ZNF638: variants seen among roughly 807,000 people sequenced by gnomAD.
ZNF638 encodes the protein zinc finger protein 638.
In ZNF638, 46 loss-of-function variants were observed where a neutral mutation model predicts 195.6. The observed-to-expected ratio is 0.24, with a 90% CI of 0.19 to 0.30. The LOEUF (loss-of-function observed/expected upper bound fraction) is 0.30. Among genes scored for constraint, ZNF638 ranks in the 10% least tolerant of loss-of-function variants. The probability of loss-of-function intolerance (pLI) is 1.00; values close to 1 mark genes in which losing one functional copy is unlikely to be tolerated. For synonymous variants in ZNF638, 845 were observed against 772.0 expected (o/e 1.09, Z -1.57); for missense variants, 2,440 against 2,325.3 (o/e 1.05, Z -1.01).
At position 71,348,983 on chromosome 2, in the gene ZNF638, G is replaced by C. The variant is rs770168685; in HGVS notation, c.29G>C (p.Gly10Ala). The C allele has an allele frequency of 6.2e-7, 1 of 1,614,126 alleles. No homozygotes were observed. Among genetic ancestry groups the C allele is most frequent in the South Asian group, 1.1e-5 (1 of 91,086 alleles). The change falls in exon 2 of 28, where the codon GGA becomes GCA. Residue 10 changes from glycine to alanine, a missense_variant. Coordinates refer to ENST00000264447, the MANE Select transcript of ZNF638 (RefSeq NM_014497.5). ...TCGAGACCCAGGTTTAATCCTCGAG[G>C]AGACTTTCCACTTCAAAGGCCACGA... MSRPRFNPR[G>A]DFPLQRPRAP...
chr2:71,339,238 A>G (rs1033719723), intron 1 of ZNF638, among the ~76,000 whole-genome samples: 10 of 147,416 alleles, frequency 6.8e-5, no homozygotes, highest in Admixed American at 6.9e-5. Flanking sequence ...TGCAGCCTCC[A>G]CCTCCCAGGT....
At chr2:71,379,737 C>A (rs530360316) in intron 8 of ZNF638, 1 of 152,336 alleles carries the variant, frequency 6.6e-6, no homozygotes, top group Admixed American at 6.5e-5. Flanking sequence ...TATATTCTTA[C>A]AACTTATTTT....
intron 10 of ZNF638, among the ~76,000 whole-genome samples, chr2:71,394,251 A>G (rs10183833): frequency 0.9 from 137,087 of 152,174 alleles, 61,817 homozygotes; most frequent in East Asian, 0.99. Flanking sequence ...GATTTGGGCC[A>G]AAGGGGGGAT....
intron 3 of ZNF638, among the ~76,000 whole-genome samples, chr2:71,356,605 C>G (rs1276660085): frequency 1.3e-5 from 2 of 151,966 alleles, no homozygotes; most frequent in Non-Finnish European, 2.9e-5. Flanking sequence ...GCCAACACAG[C>G]AAGATCTTGT....
chr2:71,382,274 T>G (rs2079547416), intron 10 of ZNF638, among the ~76,000 whole-genome samples: 1 of 152,138 alleles, frequency 6.6e-6, no homozygotes, highest in African/African-American at 2.4e-5. Context: ...AGTCAGCCAA[T>G]CATATGGCAT....
chr2:71,336,032 C>G (rs2104074697), intron 1 of ZNF638, among the ~76,000 whole-genome samples: 1 of 152,232 alleles, frequency 6.6e-6, no homozygotes, highest in African/African-American at 2.4e-5. Flanking sequence ...TAATCTTTTG[C>G]TTCATCAGCA....
rs1336642009 is a variant in ZNF638 at position 71,423,132 on chromosome 2, C to T, written c.3618C>T (p.Asn1206=). Residue 1206 remains asparagine (N), a synonymous_variant, in exon 22 of 28, where the codon AAC becomes AAT. Coordinates refer to ENST00000264447, the MANE Select transcript of ZNF638 (RefSeq NM_014497.5). Reference sequence around the variant, plus strand: ...GTGCTTTAAATCAGCAGATGTTTAACAGTGACTTGGAGAAGAAAGGGGCAG... The same window carrying T: ...GTGCTTTAAATCAGCAGATGTTTAATAGTGACTTGGAGAAGAAAGGGGCAG... The part of the protein sequence containing the change: ...EECALNQQMF[N]SDLEKKGAEI... The T allele has an allele frequency of 6.2e-7, 1 of 1,613,940 alleles. No individual in the cohort carries two copies. The highest frequency in any genetic ancestry group is 8.5e-7 in the Non-Finnish European group (1 of 1,179,992).
intron 10 of ZNF638, among the ~76,000 whole-genome samples, chr2:71,392,632 C>T (rs1242865226): frequency 3.9e-5 from 6 of 152,092 alleles, no homozygotes; most frequent in African/African-American, 1.4e-4. Flanking sequence ...TGGCAGTGAT[C>T]AAGCAGACCT....
chr2:71,347,736 G>A (rs904258109), intron 1 of ZNF638, among the ~76,000 whole-genome samples: 2 of 152,122 alleles, frequency 1.3e-5, no homozygotes, highest in South Asian at 2.1e-4. Context: ...TGTTGAAGGG[G>A]GTAGTACAGT....
In ZNF638 at chr2:71,426,491, T is replaced by C; in HGVS notation, c.4622T>C (p.Phe1541Ser). 2 of 1,583,294 alleles carry C rather than the reference T, an allele frequency of 1.3e-6. No individual in the cohort carries two copies. Among genetic ancestry groups the C allele is most frequent in the Non-Finnish European group, 1.7e-6 (2 of 1,169,984 alleles). Residue 1541 changes from phenylalanine (F) to serine (S), a missense_variant, in exon 24 of 28, where the codon TTT becomes TCT. By Grantham distance (155) the Phe-to-Ser change is radical. Coordinates refer to ENST00000264447, the MANE Select transcript of ZNF638 (RefSeq NM_014497.5). ...TTATTTCCATTTAATTTGGATGAAT[T>C]TGTTACTGTGGATGAGGTTATAGAA... ...EPLFPFNLDE[F>S]VTVDEVIEEV...
intron 20 of ZNF638, chr2:71,418,398 T>C (rs988435486): frequency 7.9e-6 from 3 of 377,918 alleles, no homozygotes; most frequent in Non-Finnish European, 1.4e-5. Context: ...ATATAAGTTA[T>C]TGTGTGTGAC....
chr2:71,370,480 T>G (rs377172019), intron 8 of ZNF638, among the ~76,000 whole-genome samples: 2 of 152,214 alleles, frequency 1.3e-5, no homozygotes, highest in East Asian at 3.8e-4. Context: ...TTTGTAACTT[T>G]AATTTTTCTA....
chr2:71,396,352 T>C (rs1168689993), intron 11 of ZNF638, among the ~76,000 whole-genome samples, 161 bp downstream of exon 11: 2 of 152,222 alleles, frequency 1.3e-5, no homozygotes, highest in African/African-American at 4.8e-5. Flanking sequence ...AGAAATGATA[T>C]GTACTAGATA....
intron 26 of ZNF638, 45 bp from the exon 27 acceptor site, chr2:71,433,120 G>T (rs759723965): frequency 7.5e-7 from 1 of 1,328,232 alleles, no homozygotes; most frequent in Non-Finnish European, 1.1e-6. Context: ...CACAACTGGA[G>T]ATTAATTATT....
chr2:71,349,274 A>G lies in ZNF638; in HGVS notation c.320A>G (p.Glu107Gly). Residue 107 changes from glutamate (E) to glycine (G), a missense_variant, in exon 2 of 28, where the codon GAG becomes GGG. This residue lies in a region of ZNF638 where 191 missense variants were observed against 173.8 expected (regional missense o/e 1.10). Coordinates refer to ENST00000264447, the MANE Select transcript of ZNF638 (RefSeq NM_014497.5). ...CCTCATGGTAGCCGGTGGGATGATG[A>G]GCCTCATATATCTGCATCAGTGGCA... Reference protein sequence around the residue: ...GKPHGSRWDDEPHISASVAVK... With the variant: ...GKPHGSRWDDGPHISASVAVK... The G allele has an allele frequency of 3.7e-6, 6 of 1,614,180 alleles. No individual in the cohort carries two copies. The highest frequency in any genetic ancestry group is 5.1e-6 in the Non-Finnish European group (6 of 1,180,040).
intron 7 of ZNF638, 143 bp downstream of exon 7, chr2:71,368,671 C>A: frequency 1.2e-6 from 1 of 861,104 alleles, no homozygotes; most frequent in Non-Finnish European, 1.7e-6. Flanking sequence ...TGTGAATAAG[C>A]AAGGCCGCAA....
chr2:71,427,986 G>C (rs2080573861), intron 24 of ZNF638, among the ~76,000 whole-genome samples: 1 of 152,112 alleles, frequency 6.6e-6, no homozygotes, highest in African/African-American at 2.4e-5. Context: ...GAGGCCAGGA[G>C]TGCGACACCA....
In ZNF638 at chr2:71,426,714, A is replaced by G; in HGVS notation, c.4845A>G (p.Ala1615=). 6.2e-7 allele frequency: 1 copy of G among 1,614,206 alleles called. No homozygotes were observed. ...GEEEDAAAHL[A]QALVTVDEVI... ...AGGAAGATGCAGCTGCACATCTAGC[A>G]CAAGCTCTAGTCACTGTGGATGAAG... The change falls in exon 24 of 28, where the codon GCA becomes GCG. Residue 1615 remains alanine, a synonymous_variant. Transcript: ENST00000264447.
At position 71,350,137 on chromosome 2, in the gene ZNF638, A is replaced by G. The variant is rs190073602; in HGVS notation, c.1183A>G (p.Lys395Glu). 126 of 1,614,004 alleles carry G rather than the reference A, an allele frequency of 7.8e-5. No homozygotes were observed. The Admixed American group carries it at 1.2e-3, about 15-fold the overall frequency. Residue 395 changes from lysine (K) to glutamate (E), a missense_variant, in exon 2 of 28, where the codon AAG becomes GAG. Transcript: ENST00000264447. Reference sequence around the variant, plus strand: ...TATTGTGAAAGCATCCTGGCTACCAAAGTTTTCACATGCTGATGCCCAGAA... The same window carrying G: ...TATTGTGAAAGCATCCTGGCTACCAGAGTTTTCACATGCTGATGCCCAGAA... Reference protein sequence around the residue: ...FGIVKASWLPKFSHADAQKMK... With the variant: ...FGIVKASWLPEFSHADAQKMK...
Sources: gnomAD v4.1 joint callset for allele counts (sites outside exome capture counted in the v4.1 genomes callset) on GRCh38, gnomAD v4.1.1 for gene constraint, gnomAD v4.1.1 regional missense constraint, MANE v1.5 for transcripts, NCBI Gene and HGNC (gene_info 2026-07-23, HGNC 2026-07-21) for gene names.